The following LOXHD1 variants were observed in gnomAD, a reference collection of about 807,000 sequenced individuals.
LOXHD1 encodes lipoxygenase homology PLAT domains 1, also known as lipoxygenase homology domain-containing protein 1.
LOXHD1 carries 205 observed loss-of-function variants against 248.2 expected under a neutral mutation model. That is an observed-to-expected ratio of 0.83 (90% CI 0.74 to 0.93). The LOEUF is 0.93. Ranked by LOEUF, LOXHD1 falls within the 40% of genes least tolerant of loss-of-function variation. The pLI, the probability that LOXHD1 is intolerant of heterozygous loss-of-function variation, is 0.00. For missense variants in LOXHD1, 2,930 were observed against 2,971.6 expected (o/e 0.99, Z 0.33); for synonymous variants, 1,113 against 1,162.8 (o/e 0.96, Z 0.87).
At chr18:46,532,696 T>C (rs555535226) in intron 28 of LOXHD1, among the ~76,000 whole-genome samples, 4 of 152,330 alleles carry the variant, frequency 2.6e-5, no homozygotes, top group African/African-American at 9.6e-5. Context: ...CATGCCAAAC[T>C]ACTGAGAACA....
intron 11 of LOXHD1, 75 bp downstream of exon 11, chr18:46,592,423 G>C (rs1448923771): frequency 8.1e-7 from 1 of 1,237,392 alleles, no homozygotes; most frequent in East Asian, 2.5e-5. Flanking sequence ...AAATTTATGT[G>C]ACAGGGTCAT....
intron 7 of LOXHD1, among the ~76,000 whole-genome samples, chr18:46,602,000 A>C (rs563390851): frequency 1.3e-5 from 2 of 152,168 alleles, no homozygotes; most frequent in South Asian, 2.1e-4. Context: ...GGTGAGGAGG[A>C]TTGAGGGAGA....
intron 2 of LOXHD1, among the ~76,000 whole-genome samples, chr18:46,646,552 C>T (rs1046630897): frequency 1.4e-4 from 21 of 152,292 alleles, no homozygotes; most frequent in Admixed American, 1.2e-3. Context: ...GAAACTCCAC[C>T]GGTCAGCTTT....
At chr18:46,579,538 T>C (rs1314515794) in intron 13 of LOXHD1, 92 bp downstream of exon 13, 1 of 1,505,770 alleles carries the variant, frequency 6.6e-7, no homozygotes, top group Non-Finnish European at 9.0e-7. Context: ...AGGACCAGCA[T>C]CAGCTCAACT....
rs373937326 is a variant in LOXHD1, at chr18:46,534,448, C to T, written c.4099G>A (p.Glu1367Lys). The change falls in exon 27 of 41, where the codon GAA becomes AAA. Residue 1367 changes from glutamate to lysine, a missense_variant. Physicochemically the swap from Glu to Lys is moderately conservative, Grantham distance 56 (BLOSUM62 1). Transcript: ENST00000642948. Reference sequence around the variant, plus strand: ...TTTTCAATGATTTCTCCCACATCTTCTAACTTTGGAAAGGAGATAAGGCAC... The same window carrying T: ...TTTTCAATGATTTCTCCCACATCTTTTAACTTTGGAAAGGAGATAAGGCAC... ...KSASRFIVEL[E>K]DVGEIIEKIR... 1.3e-6 allele frequency: 2 copies of T among 1,550,734 alleles called. No individual in the cohort carries two copies. The highest frequency in any genetic ancestry group is 1.7e-6 in the Non-Finnish European group (2 of 1,146,148).
chr18:46,487,896 A>C (rs187627215), intron 38 of LOXHD1, among the ~76,000 whole-genome samples: 1 of 152,286 alleles, frequency 6.6e-6, no homozygotes, highest in African/African-American at 2.4e-5. Flanking sequence ...CTTTTGCTAC[A>C]GCCAGCTTAG....
chr18:46,560,048 T>TGGCGGCCCC, intron 19 of LOXHD1, 35 bp downstream of exon 19: 1 of 1,226,298 alleles, frequency 8.2e-7, no homozygotes, highest in Non-Finnish European at 1.1e-6. Context: ...GTCTGGCCAC[T>TGGCGGCCCC]CCCTCCCCAC....
chr18:46,541,808 T>C lies in LOXHD1; in HGVS notation c.3881A>G (p.His1294Arg), dbSNP rs1006256829. ...DDGSIIRDLF[H>R]AELQTRLYTP... ...GTACAGCCTCGTCTGAAGCTCTGCA[T>C]GGAAGAGGTCTCTGATGATGGACCC... Residue 1294 changes from histidine (H) to arginine (R), a missense_variant, in exon 25 of 41, where the codon CAT (histidine) becomes CGT (arginine). Coordinates refer to ENST00000642948, the MANE Select transcript of LOXHD1 (RefSeq NM_001384474.1). 6.4e-7 allele frequency: 1 copy of C among 1,551,696 alleles called. No individual in the cohort carries two copies. Among genetic ancestry groups the C allele is most frequent in the Non-Finnish European group, 8.7e-7 (1 of 1,146,976 alleles).
At chr18:46,651,260 C>T (rs776049815) in intron 1 of LOXHD1, among the ~76,000 whole-genome samples, 1 of 152,034 alleles carries the variant, frequency 6.6e-6, no homozygotes, top group Non-Finnish European at 1.5e-5. Context: ...AGGTCCCCAT[C>T]GAGGCACCAT....
rs937371282 is a variant in LOXHD1, at chr18:46,545,408, T to A, written c.3528A>T (p.Thr1176=). 3.2e-6 allele frequency: 5 copies of A among 1,551,362 alleles called. No homozygotes were observed. Among genetic ancestry groups the A allele is most frequent in the Non-Finnish European group, 4.4e-6 (5 of 1,146,452 alleles). ...LALEQKDKST[T]FSVTIKTGVK... ...CCCCAGTCTTTATGGTCACTGAGAATGTGGTAGATTTATCTGCCAAGAGAA... is the reference window on the plus strand; with the variant it reads ...CCCCAGTCTTTATGGTCACTGAGAAAGTGGTAGATTTATCTGCCAAGAGAA... Residue 1176 remains threonine (T), a synonymous_variant, in exon 23 of 41, where the codon ACA becomes ACT. Coordinates refer to ENST00000642948, the MANE Select transcript of LOXHD1 (RefSeq NM_001384474.1).
At chr18:46,550,287 G>A (rs555468381) in intron 21 of LOXHD1, among the ~76,000 whole-genome samples, 30 of 152,294 alleles carry the variant, frequency 2.0e-4, no homozygotes, top group Admixed American at 3.3e-4. Context: ...AAGAGTCAGC[G>A]TGTGGGCCGG....
chr18:46,577,797 T>C lies in LOXHD1; in HGVS notation c.1880A>G (p.Lys627Arg). Residue 627 changes from lysine (K) to arginine (R), a missense_variant, in exon 14 of 41, where the codon AAA (lysine) becomes AGA (arginine). Coordinates refer to ENST00000642948, the MANE Select transcript of LOXHD1 (RefSeq NM_001384474.1). ...VRRVRIRHDGKGSGSGWYLDR... is the reference protein window; with the variant it reads ...VRRVRIRHDGRGSGSGWYLDR... The stretch of plus-strand genomic sequence containing the variant: ...CAGGTACCAGCCGCTGCCGGAGCCT[T>C]TGCCATCGTGTCTGATCCTCACCCG... 1.3e-6 allele frequency: 2 copies of C among 1,551,616 alleles called. No homozygotes were observed. The highest frequency in any genetic ancestry group is 2.4e-5 in the South Asian group (2 of 84,044).
intron 20 of LOXHD1, 90 bp from the exon 21 acceptor site, chr18:46,557,579 A>G: frequency 6.7e-7 from 1 of 1,486,250 alleles, no homozygotes; most frequent in Non-Finnish European, 9.2e-7. Flanking sequence ...CAGGGCAGCC[A>G]GCCAGAGGCC....
intron 21 of LOXHD1, among the ~76,000 whole-genome samples, chr18:46,550,446 G>A (rs1331460727): frequency 1.3e-5 from 2 of 151,412 alleles, no homozygotes; most frequent in South Asian, 2.1e-4. Flanking sequence ...GGTGGCGGGC[G>A]CCTGTAGTCC....
intron 16 of LOXHD1, among the ~76,000 whole-genome samples, chr18:46,568,348 G>A (rs2037684858): frequency 6.6e-6 from 1 of 152,298 alleles, no homozygotes; most frequent in South Asian, 2.1e-4. Context: ...TCCAGGTGAT[G>A]TCAAGGAAGA....
Position 46,507,728 on chromosome 18 carries a change from C to A in LOXHD1, c.5518-16G>T, listed in dbSNP as rs1347738978. Reference sequence around the variant, plus strand: ...TCAGTAGGATCTGGGGGAGAGGGAGCCACCGTGGGAATGCCCTGTCCTCCC... The same window carrying A: ...TCAGTAGGATCTGGGGGAGAGGGAGACACCGTGGGAATGCCCTGTCCTCCC... On this transcript the variant is annotated splice_polypyrimidine_tract_variant and intron_variant, in intron 35 of 40. Coordinates refer to ENST00000642948, the MANE Select transcript of LOXHD1 (RefSeq NM_001384474.1). 3.2e-6 allele frequency: 5 copies of A among 1,544,256 alleles called. No homozygotes were observed. The highest frequency in any genetic ancestry group is 4.4e-6 in the Non-Finnish European group (5 of 1,141,702).
At chr18:46,583,031 C>T (rs1045429816) in intron 12 of LOXHD1, among the ~76,000 whole-genome samples, 1 of 152,198 alleles carries the variant, frequency 6.6e-6, no homozygotes, top group Non-Finnish European at 1.5e-5. Context: ...AAAACGGAAT[C>T]AGACTCTGTT....
chr18:46,590,670 T>C (rs2038149259), intron 12 of LOXHD1, among the ~76,000 whole-genome samples: 1 of 152,188 alleles, frequency 6.6e-6, no homozygotes, highest in Non-Finnish European at 1.5e-5. Flanking sequence ...AGATAGATGA[T>C]TGCCTTGTTC....
rs1242797713 is a variant in LOXHD1, at chr18:46,649,225, T to C, written c.175A>G (p.Thr59Ala). 3 of 1,551,630 alleles carry C rather than the reference T, an allele frequency of 1.9e-6. No individual in the cohort carries two copies. The highest frequency in any genetic ancestry group is 2.7e-5 in the African/African-American group (2 of 72,998). ...AGCGTGATGAAGACATTGGCATCCG[T>C]CCCTGCACCGCGAACATCCCCCGTG... ...TATGDVRGAG[T>A]DANVFITLFG... The change falls in exon 2 of 41, where the codon ACG (threonine) becomes GCG (alanine). Residue 59 changes from threonine (T) to alanine (A), a missense_variant. By Grantham distance (58) the Thr-to-Ala change is moderately conservative. Transcript: ENST00000642948.
Sources: gnomAD v4.1 joint callset for allele counts (sites outside exome capture counted in the v4.1 genomes callset) on GRCh38, gnomAD v4.1.1 for gene constraint, MANE v1.5 for transcripts, NCBI Gene and HGNC (gene_info 2026-07-23, HGNC 2026-07-21) for gene names.